ZNF423: variants seen among roughly 807,000 people sequenced by gnomAD.
The protein encoded by ZNF423 is Ebf-associated zinc finger protein.
Under a neutral mutation model 95.8 loss-of-function variants are expected in ZNF423, and 12 were observed. The ratio of observed to expected loss-of-function variants is 0.13; its 90% confidence interval spans 0.08 to 0.20. The LOEUF is 0.20. ZNF423 is among the 10% of genes least tolerant of loss of function. The pLI, the probability that ZNF423 is intolerant of heterozygous loss-of-function variation, is 1.00. For missense variants in ZNF423, 1,316 were observed against 1,737.1 expected (o/e 0.76, Z 4.31); for synonymous variants, 749 against 711.9 (o/e 1.05, Z -0.83).
At chr16:49,502,552 G>A (rs1967450350) in intron 7 of ZNF423, among the ~76,000 whole-genome samples, 1 of 151,948 alleles carries the variant, frequency 6.6e-6, no homozygotes, top group Non-Finnish European at 1.5e-5. Context: ...AAGCGCCAGA[G>A]TTTGCCACAT....
chr16:49,617,783 A>C (rs918559219), intron 5 of ZNF423, among the ~76,000 whole-genome samples: 2 of 151,418 alleles, frequency 1.3e-5, no homozygotes, highest in Non-Finnish European at 2.9e-5. Flanking sequence ...TCTCCTCCTG[A>C]CCCCTTCCAT....
In ZNF423 at chr16:49,638,796, A is replaced by T; in HGVS notation, c.380T>A (p.Ile127Asn). Residue 127 changes from isoleucine (I) to asparagine (N), a missense_variant, in exon 4 of 8, where the codon ATC becomes AAC. By Grantham distance (149) the Ile-to-Asn change is moderately radical. This residue lies in a region of ZNF423 where 155 missense variants were observed against 170.8 expected (regional missense o/e 0.91). Transcript: ENST00000563137. The surrounding 1 kb of genome is among the most constrained non-coding windows in gnomAD (Gnocchi z 5.6). ...GAGGCCGAGGTCACAACCATCTCCG[A>T]TCATCTGCGTGGGTGACGCAACATC... ...SKDVASPTQM[I>N]GDGCDLGLGE... 6.2e-7 allele frequency: 1 copy of T among 1,614,062 alleles called. No individual in the cohort carries two copies. The highest frequency in any genetic ancestry group is 1.1e-5 in the South Asian group (1 of 91,070).
At chr16:49,717,376 G>A (rs1225829841) in intron 3 of ZNF423, among the ~76,000 whole-genome samples, 2 of 152,230 alleles carry the variant, frequency 1.3e-5, no homozygotes, top group Non-Finnish European at 2.9e-5. Flanking sequence ...AGTTCAGGAG[G>A]TCAGGTCACC....
chr16:49,794,469 A>C (rs539805566), intron 1 of ZNF423, among the ~76,000 whole-genome samples: 2 of 150,996 alleles, frequency 1.3e-5, no homozygotes, highest in South Asian at 4.2e-4. Context: ...GTCTCAAAGG[A>C]CTCCCCCAGT....
intron 3 of ZNF423, among the ~76,000 whole-genome samples, chr16:49,667,301 G>A (rs560192212): frequency 2.0e-5 from 3 of 152,362 alleles, no homozygotes; most frequent in East Asian, 1.9e-4. Context: ...ATGGAGGCCC[G>A]AGAAGAGACC....
At chr16:49,577,680 C>T in intron 5 of ZNF423, among the ~76,000 whole-genome samples, 1 of 152,140 alleles carries the variant, frequency 6.6e-6, no homozygotes, top group Non-Finnish European at 1.5e-5. Flanking sequence ...TGCAGGAAAC[C>T]TTGTTGGCAG....
rs12445683 is a variant in ZNF423, at chr16:49,491,327, C to T, written c.3850-23G>A. The T allele has an allele frequency of 0.021, 34,530 of 1,613,774 alleles. 4,292 individuals are homozygous for T. The East Asian group carries it at 0.32, about 15-fold the overall frequency. ...GTTCTGCAAAGGCGAAGAAAGGAGACACACATGAAGGAGAAGAATGGAGAG... is the reference window on the plus strand; with the variant it reads ...GTTCTGCAAAGGCGAAGAAAGGAGATACACATGAAGGAGAAGAATGGAGAG... On this transcript the variant is annotated intron_variant, in intron 7 of 7. Transcript: ENST00000563137.
At chr16:49,841,013 G>C (rs1462367149) in intron 1 of ZNF423, among the ~76,000 whole-genome samples, 3 of 152,226 alleles carry the variant, frequency 2.0e-5, no homozygotes, top group Non-Finnish European at 4.4e-5. Context: ...AAAGGGCAGG[G>C]TTGCCCCAGC....
At position 49,670,561 on chromosome 16, in the gene ZNF423, A is replaced by T. The variant is rs2030759259; in HGVS notation, c.302-31687T>A. On this transcript the variant is annotated intron_variant, in intron 3 of 7. Coordinates refer to ENST00000563137, the MANE Select transcript of ZNF423 (RefSeq NM_001379286.1). Reference sequence around the variant, plus strand: ...GCAGGCAGCCAACCTAGTGCCAAGGAATAGGCAGAGGAGGAGTTGGGGCTG... The same window carrying T: ...GCAGGCAGCCAACCTAGTGCCAAGGTATAGGCAGAGGAGGAGTTGGGGCTG... 2.0e-5 allele frequency among the ~76,000 whole-genome samples: 3 copies of T among 152,148 alleles called. No homozygotes were observed. In the South Asian group the frequency reaches 6.2e-4, roughly 31 times the overall value.
At chr16:49,789,630 C>G in intron 1 of ZNF423, 84 bp from the exon 2 acceptor site, 2 of 1,364,554 alleles carry the variant, frequency 1.5e-6, no homozygotes, top group Non-Finnish European at 2.0e-6. Context: ...GAAGAAGGAA[C>G]ATTTGTGGGG....
chr16:49,738,716 G>A (rs571351455), intron 2 of ZNF423, among the ~76,000 whole-genome samples: 4 of 152,240 alleles, frequency 2.6e-5, no homozygotes, highest in Admixed American at 6.5e-5. Flanking sequence ...CCAGGTGAGA[G>A]TGAGAGGGCA....
At chr16:49,592,339 C>T (rs1971035164) in intron 5 of ZNF423, among the ~76,000 whole-genome samples, 1 of 152,090 alleles carries the variant, frequency 6.6e-6, no homozygotes, top group African/African-American at 2.4e-5. Flanking sequence ...TTTTTTAAAA[C>T]ACAGCTTTTT....
rs1432284669 is a variant in ZNF423 at position 49,585,407 on chromosome 16, C to T, written c.3601+40763G>A. Among the ~76,000 whole-genome samples, 3 of 152,190 alleles carry T rather than the reference C, an allele frequency of 2.0e-5. No homozygotes were observed. The East Asian group carries it at 5.8e-4, about 29-fold the overall frequency. ...TACCAATGGAGGGTCAGACCCCCCACCCCCACACCCATAGCCGCTGTACAG... is the reference window on the plus strand; with the variant it reads ...TACCAATGGAGGGTCAGACCCCCCATCCCCACACCCATAGCCGCTGTACAG... On this transcript the variant is annotated intron_variant, in intron 5 of 7. Coordinates refer to ENST00000563137, the MANE Select transcript of ZNF423 (RefSeq NM_001379286.1).
At chr16:49,787,445 C>T (rs772369988) in intron 2 of ZNF423, among the ~76,000 whole-genome samples, 4 of 152,104 alleles carry the variant, frequency 2.6e-5, no homozygotes, top group South Asian at 2.1e-4. Context: ...GGCACCGTGG[C>T]GAGCCACGGC....
At chr16:49,645,708 G>A (rs1244818393) in intron 3 of ZNF423, among the ~76,000 whole-genome samples, 1 of 152,174 alleles carries the variant, frequency 6.6e-6, no homozygotes, top group African/African-American at 2.4e-5. Context: ...ATCTTGAATT[G>A]TAGTTCCCAT....
chr16:49,845,540 T>G (rs1009562468), intron 1 of ZNF423, among the ~76,000 whole-genome samples: 11 of 150,472 alleles, frequency 7.3e-5, no homozygotes, highest in East Asian at 2.0e-4. Context: ...TTTTGTTTTG[T>G]TTTGGTTTGT....
intron 5 of ZNF423, among the ~76,000 whole-genome samples, chr16:49,552,876 G>GT (rs1969693237): frequency 6.6e-6 from 1 of 151,886 alleles, no homozygotes; most frequent in East Asian, 1.9e-4. Flanking sequence ...ACCCCTCCAG[G>GT]AGGGGATGGG....
chr16:49,638,023 A>G lies in ZNF423; in HGVS notation c.1153T>C (p.Ser385Pro), dbSNP rs778285602. The G allele has an allele frequency of 3.7e-6, 6 of 1,614,070 alleles. No homozygotes were observed. Among genetic ancestry groups the G allele is most frequent in the Non-Finnish European group, 5.1e-6 (6 of 1,180,020 alleles). ...TCCGGGGTGGAGCCACGCTCCACAG[A>G]GGCGCTGGAGTCGGGTGTGGCGCTG... is the stretch of plus-strand genomic sequence containing the variant. ...MSSATPDSSA[S>P]VERGSTPDST... The change falls in exon 4 of 8, where the codon TCT becomes CCT. Residue 385 changes from serine (S) to proline (P), a missense_variant. By Grantham distance (74) the Ser-to-Pro change is moderately conservative. Around this residue, in one of 6 missense-constraint regions of ZNF423, gnomAD observed 399 missense variants for 478.5 expected, o/e 0.83. Transcript: ENST00000563137. The surrounding 1 kb of genome is among the most constrained non-coding windows in gnomAD (Gnocchi z 5.6).
chr16:49,615,212 C>T (rs1971838378), intron 5 of ZNF423, among the ~76,000 whole-genome samples: 1 of 151,906 alleles, frequency 6.6e-6, no homozygotes, highest in Admixed American at 6.6e-5. Flanking sequence ...GGCTAACTGG[C>T]TTGAGGCGTG....
Sources: gnomAD v4.1 joint callset for allele counts (sites outside exome capture counted in the v4.1 genomes callset) on GRCh38, gnomAD v4.1.1 for gene constraint, gnomAD v4.1.1 regional missense constraint, Gnocchi (gnomAD v3.1) non-coding constraint, MANE v1.5 for transcripts, NCBI Gene and HGNC (gene_info 2026-07-23, HGNC 2026-07-21) for gene names.